Variants in ZCCHC7 observed in about 807,000 individuals in gnomAD.
ZCCHC7 encodes the protein zinc finger CCHC domain-containing protein 7.
Under a neutral mutation model 52.0 loss-of-function variants are expected in ZCCHC7, and 35 were observed. The observed-to-expected ratio is 0.67, with a 90% confidence interval of 0.51 to 0.89. The LOEUF (loss-of-function observed/expected upper bound fraction) is 0.89, where lower values mean the gene tolerates loss of function less well. Ranked by LOEUF, ZCCHC7 falls within the 40% of genes least tolerant of loss-of-function variation. The pLI is 0.00. For synonymous variants in ZCCHC7, 217 were observed against 221.5 expected (o/e 0.98, Z 0.18); for missense variants, 574 against 649.1 (o/e 0.88, Z 1.26).
At chr9:37,197,061 T>A (rs1009504806) in intron 2 of ZCCHC7, among the ~76,000 whole-genome samples, 1 of 152,208 alleles carries the variant, frequency 6.6e-6, no homozygotes, top group Non-Finnish European at 1.5e-5. Flanking sequence ...TTTAAGTTAT[T>A]TGTGTGTTAT....
chr9:37,356,042 C>A (rs10973306), intron 8 of ZCCHC7, among the ~76,000 whole-genome samples: 1 of 151,678 alleles, frequency 6.6e-6, no homozygotes, highest in African/African-American at 2.4e-5. Context: ...TTTTTTTTAG[C>A]TAGTTGTATC....
chr9:37,267,294 C>T (rs887008316), intron 2 of ZCCHC7, among the ~76,000 whole-genome samples: 5 of 152,144 alleles, frequency 3.3e-5, no homozygotes, highest in Admixed American at 2.0e-4. Context: ...GAACAGAATT[C>T]TCTGTCGCTT....
At chr9:37,331,430 CTGAG>C (rs1017984695) in intron 6 of ZCCHC7, among the ~76,000 whole-genome samples, 2 of 151,548 alleles carry the variant, frequency 1.3e-5, no homozygotes, top group African/African-American at 4.8e-5. Flanking sequence ...GAGTTTTATA[CTGAG>C]TGAGAATGTT....
intron 6 of ZCCHC7, among the ~76,000 whole-genome samples, chr9:37,330,881 G>A (rs1830425142): frequency 6.6e-6 from 1 of 151,326 alleles, no homozygotes. Flanking sequence ...ACAACCAACA[G>A]AATTTTTAAC....
chr9:37,167,760 G>T (rs1265547481), intron 2 of ZCCHC7, among the ~76,000 whole-genome samples: 2 of 152,196 alleles, frequency 1.3e-5, no homozygotes, highest in Non-Finnish European at 2.9e-5. Context: ...AAACAAGAAT[G>T]TTTGGGGCTA....
At chr9:37,205,820 C>T (rs1278227131) in intron 2 of ZCCHC7, among the ~76,000 whole-genome samples, 2 of 152,072 alleles carry the variant, frequency 1.3e-5, no homozygotes, top group African/African-American at 4.8e-5. Context: ...CCAGCCAGCT[C>T]CACTTTTTTT....
At chr9:37,186,584 C>T in intron 2 of ZCCHC7, 1 of 385,564 alleles carries the variant, frequency 2.6e-6, no homozygotes, top group Non-Finnish European at 5.0e-6. Flanking sequence ...GGACAGTTGG[C>T]AGTAACTGAA....
chr9:37,296,706 T>C (rs1403404799), intron 2 of ZCCHC7, among the ~76,000 whole-genome samples: 1 of 152,168 alleles, frequency 6.6e-6, no homozygotes, highest in Admixed American at 6.5e-5. Flanking sequence ...TTACTTACTT[T>C]ATTTATTTAT....
At chr9:37,350,996 G>A (rs1254312432) in intron 7 of ZCCHC7, among the ~76,000 whole-genome samples, 1 of 152,210 alleles carries the variant, frequency 6.6e-6, no homozygotes, top group Non-Finnish European at 1.5e-5. Flanking sequence ...GATGGGGTGA[G>A]TGGTATTGCA....
chr9:37,254,681 G>GAA (rs1247233366), intron 2 of ZCCHC7, among the ~76,000 whole-genome samples: 1 of 151,938 alleles, frequency 6.6e-6, no homozygotes, highest in Non-Finnish European at 1.5e-5. Flanking sequence ...GTAAGTATGT[G>GAA]AAAGTACATA....
intron 2 of ZCCHC7, among the ~76,000 whole-genome samples, chr9:37,237,876 G>A (rs1825724317): frequency 6.6e-6 from 1 of 152,024 alleles, no homozygotes; most frequent in Non-Finnish European, 1.5e-5. Flanking sequence ...TTATAAAGGA[G>A]ACATTTAAAG....
intron 2 of ZCCHC7, among the ~76,000 whole-genome samples, chr9:37,279,789 T>C (rs1195754448): frequency 3.3e-5 from 5 of 152,030 alleles, no homozygotes; most frequent in Non-Finnish European, 1.5e-5. Flanking sequence ...AATAAGCATG[T>C]GAAAGCTGGA....
At chr9:37,229,967 A>C (rs758859943) in intron 2 of ZCCHC7, among the ~76,000 whole-genome samples, 2 of 152,182 alleles carry the variant, frequency 1.3e-5, no homozygotes, top group Non-Finnish European at 2.9e-5. Context: ...TTAAAACCTC[A>C]TACACAGAAG....
chr9:37,235,504 TCTCCCTTCCCCTCTCCC>T (rs1475244767), intron 2 of ZCCHC7, among the ~76,000 whole-genome samples: 6 of 135,128 alleles, frequency 4.4e-5, no homozygotes, highest in Non-Finnish European at 9.8e-5. Context: ...TCCTTCTTTT[TCTCCCTTCCCCTCTCCC>T]CTCCCTTCCC....
chr9:37,302,072 AT>A, intron 2 of ZCCHC7, 115 bp from the exon 3 acceptor site: 1 of 817,204 alleles, frequency 1.2e-6, no homozygotes, highest in South Asian at 1.6e-5. Context: ...GGTATTCAAC[AT>A]TTCTCAGTGT....
At chr9:37,225,769 T>G (rs896262059) in intron 2 of ZCCHC7, among the ~76,000 whole-genome samples, 2 of 152,196 alleles carry the variant, frequency 1.3e-5, no homozygotes, top group African/African-American at 4.8e-5. Flanking sequence ...ACAAAAGTCT[T>G]GCAAACTAGG....
chr9:37,132,751 G>T (rs1054012469), intron 2 of ZCCHC7, among the ~76,000 whole-genome samples: 6 of 152,128 alleles, frequency 3.9e-5, no homozygotes, highest in East Asian at 1.9e-4. Flanking sequence ...TAAGTCCGGG[G>T]TGTCCAATCT....
At chr9:37,211,310 G>A (rs944816598) in intron 2 of ZCCHC7, among the ~76,000 whole-genome samples, 7 of 152,154 alleles carry the variant, frequency 4.6e-5, no homozygotes, top group African/African-American at 1.7e-4. Flanking sequence ...TAGTGGGAGA[G>A]AGTGATTCAG....
intron 2 of ZCCHC7, among the ~76,000 whole-genome samples, chr9:37,136,063 G>T (rs1183549938): frequency 6.6e-6 from 1 of 151,964 alleles, no homozygotes; most frequent in Non-Finnish European, 1.5e-5. Flanking sequence ...TTCTTTTCCT[G>T]TGTGGATTAG....
Sources: allele counts gnomAD v4.1 joint callset (sites outside exome capture counted in the v4.1 genomes callset), GRCh38; gene constraint gnomAD v4.1.1; transcripts MANE v1.5; gene names NCBI Gene and HGNC (gene_info 2026-07-23, HGNC 2026-07-21).